The following IKBKB variants were observed in gnomAD, a reference collection of about 807,000 sequenced individuals.
IKBKB encodes inhibitor of nuclear factor kappa-B kinase subunit beta.
Under a neutral mutation model 113.6 loss-of-function variants are expected in IKBKB, and 42 were observed. The observed-to-expected ratio is 0.37, with a 90% confidence interval of 0.29 to 0.48. The LOEUF (loss-of-function observed/expected upper bound fraction) is 0.48, where lower values mean the gene tolerates loss of function less well. IKBKB is among the 20% of genes least tolerant of loss of function. The probability of loss-of-function intolerance (pLI) is 0.99; values close to 1 mark genes in which losing one functional copy is unlikely to be tolerated. For missense variants in IKBKB, 673 were observed against 939.7 expected, an observed-to-expected ratio of 0.72 and a Z score of 3.71; for synonymous variants, 296 against 361.3, an observed-to-expected ratio of 0.82 and a Z score of 2.05.
intron 15 of IKBKB, chr8:42,320,034 A>G (rs1198272406): frequency 2.2e-5 from 4 of 182,192 alleles, no homozygotes; most frequent in African/African-American, 9.4e-5. Context: ...AGGTCTAGGC[A>G]GAAAGTCTCA....
chr8:42,322,642 G>C, intron 19 of IKBKB, 148 bp downstream of exon 19: 1 of 784,858 alleles, frequency 1.3e-6, no homozygotes, highest in East Asian at 2.5e-5. Flanking sequence ...GCTGTTCTTT[G>C]ACTTGGTGTA....
At chr8:42,306,860 G>C (rs1159807155) in intron 7 of IKBKB, among the ~76,000 whole-genome samples, 1 of 152,212 alleles carries the variant, frequency 6.6e-6, no homozygotes, top group Non-Finnish European at 1.5e-5. Flanking sequence ...AGGGGTCAGA[G>C]CTCTGAGCTC....
At chr8:42,318,449 T>A (rs1819112541) in intron 12 of IKBKB, 103 bp from the exon 13 acceptor site, 7 of 1,319,112 alleles carry the variant, frequency 5.3e-6, no homozygotes, top group Non-Finnish European at 6.4e-6. Flanking sequence ...CTATAGTAGG[T>A]ACAAAACGTG....
intron 2 of IKBKB, among the ~76,000 whole-genome samples, chr8:42,282,022 C>T (rs1369964798): frequency 6.6e-6 from 1 of 152,182 alleles, no homozygotes; most frequent in East Asian, 1.9e-4. Flanking sequence ...GCCTTTTTTA[C>T]ACCTTATGAC....
chr8:42,308,095 C>T (rs1299361846), intron 7 of IKBKB, among the ~76,000 whole-genome samples: 3 of 152,152 alleles, frequency 2.0e-5, no homozygotes, highest in Middle Eastern at 3.2e-3. Flanking sequence ...TTTCTGCAAC[C>T]ACATGGTACC....
intron 2 of IKBKB, chr8:42,272,455 A>G: frequency 1.7e-6 from 1 of 590,706 alleles, no homozygotes. Context: ...TCTATTATAT[A>G]TATATGGTAA....
chr8:42,330,551 C>T (rs1334459319), intron 21 of IKBKB, among the ~76,000 whole-genome samples: 1 of 151,998 alleles, frequency 6.6e-6, no homozygotes, highest in African/African-American at 2.4e-5. Context: ...TGCTCTTTTG[C>T]CCAGGGTGGA....
At chr8:42,322,587 C>T in intron 19 of IKBKB, 93 bp downstream of exon 19, 1 of 1,317,388 alleles carries the variant, frequency 7.6e-7, no homozygotes, top group Non-Finnish European at 1.1e-6. Context: ...CGGGACACCA[C>T]AGAGCCACCA....
At chr8:42,284,920 G>A (rs533658471) in intron 2 of IKBKB, among the ~76,000 whole-genome samples, 81 of 142,378 alleles carry the variant, frequency 5.7e-4, no homozygotes, top group Middle Eastern at 3.8e-3. Context: ...GCAGTGGCAC[G>A]ATCTCGGTTC....
chr8:42,288,537 G>C, intron 2 of IKBKB, 97 bp from the exon 3 acceptor site: 3 of 830,520 alleles, frequency 3.6e-6, no homozygotes, highest in Non-Finnish European at 5.7e-6. Flanking sequence ...GTGATTGCAG[G>C]TAACGCTTGG....
intron 2 of IKBKB, among the ~76,000 whole-genome samples, chr8:42,287,144 C>T (rs1057396622): frequency 1.3e-5 from 2 of 152,188 alleles, no homozygotes; most frequent in African/African-American, 4.8e-5. Context: ...GCCAGAGCCG[C>T]TTTCCCTGCT....
intron 2 of IKBKB, among the ~76,000 whole-genome samples, chr8:42,283,654 C>A (rs540076927): frequency 6.6e-6 from 1 of 152,234 alleles, no homozygotes; most frequent in African/African-American, 2.4e-5. Flanking sequence ...GGAGCATAGC[C>A]CCACCAACAT....
At chr8:42,313,280 G>A (rs969537550) in intron 8 of IKBKB, among the ~76,000 whole-genome samples, 7 of 152,002 alleles carry the variant, frequency 4.6e-5, no homozygotes, top group African/African-American at 1.2e-4. Context: ...GTAAAACCCC[G>A]TCTCTACAAA....
chr8:42,331,085 G>C lies in IKBKB; in HGVS notation c.*106G>C. The C allele has an allele frequency of 6.4e-7, 1 of 1,553,296 alleles. No individual in the cohort carries two copies. ...GGCTGCCTGGAGCAGGCCGCGTGAC[G>C]TGGGGCTGCCTGGCCGCGGCTCTCA... On this transcript the variant is annotated 3_prime_UTR_variant, in exon 22 of 22. Coordinates refer to ENST00000520810, the MANE Select transcript of IKBKB (RefSeq NM_001556.3).
intron 5 of IKBKB, among the ~76,000 whole-genome samples, chr8:42,303,671 A>AT (rs1306570135): frequency 1.3e-5 from 2 of 151,700 alleles, no homozygotes; most frequent in Non-Finnish European, 2.9e-5. Flanking sequence ...CACCCAGCTA[A>AT]TTTTTTTGTA....
intron 6 of IKBKB, among the ~76,000 whole-genome samples, 169 bp downstream of exon 6, chr8:42,305,444 T>G (rs1162981302): frequency 6.6e-6 from 1 of 152,242 alleles, no homozygotes; most frequent in Non-Finnish European, 1.5e-5. Flanking sequence ...AAAAAGTTGT[T>G]GCAGATTGAG....
At chr8:42,283,661 A>G (rs1810799683) in intron 2 of IKBKB, among the ~76,000 whole-genome samples, 2 of 152,356 alleles carry the variant, frequency 1.3e-5, no homozygotes, top group South Asian at 4.1e-4. Flanking sequence ...AGCCCCACCA[A>G]CATCTTAGCT....
chr8:42,271,679 C>A, intron 1 of IKBKB: 2 of 529,192 alleles, frequency 3.8e-6, no homozygotes, highest in Admixed American at 3.8e-5. Flanking sequence ...TTGAGGGGAA[C>A]CTGCGATTTA....
At chr8:42,321,152 T>G (rs545217935) in intron 16 of IKBKB, 42 of 240,852 alleles carry the variant, frequency 1.7e-4, no homozygotes, top group African/African-American at 8.1e-4. Context: ...CTCCCCTGAT[T>G]TGTTCCACCC....
Sources: gnomAD v4.1 joint callset for allele counts (sites outside exome capture counted in the v4.1 genomes callset) on GRCh38, gnomAD v4.1.1 for gene constraint, MANE v1.5 for transcripts, NCBI Gene and HGNC (gene_info 2026-07-23, HGNC 2026-07-21) for gene names.